Variants in HUNK observed in about 807,000 individuals in gnomAD.
HUNK encodes the protein hormonally up-regulated neu tumor-associated kinase.
Under a neutral mutation model 61.0 loss-of-function variants are expected in HUNK, and 21 were observed. The observed-to-expected ratio is 0.34, with a 90% CI of 0.24 to 0.50. The LOEUF (loss-of-function observed/expected upper bound fraction) is 0.50. HUNK is among the 20% of genes least tolerant of loss of function. HUNK has a pLI of 0.98. For missense variants in HUNK, 772 were observed against 945.7 expected, an observed-to-expected ratio of 0.82 and a Z score of 2.41; for synonymous variants, 371 against 386.1, an observed-to-expected ratio of 0.96 and a Z score of 0.46.
At chr21:31,886,340 T>C (rs998794578) in intron 1 of HUNK, among the ~76,000 whole-genome samples, 2 of 150,724 alleles carry the variant, frequency 1.3e-5, no homozygotes, top group South Asian at 4.2e-4. Flanking sequence ...GAGAATCACA[T>C]GAACCTGGCT....
At chr21:31,977,699 A>C (rs1106542) in intron 7 of HUNK, among the ~76,000 whole-genome samples, 73,698 of 151,772 alleles carry the variant, frequency 0.49, 18,547 homozygotes, top group South Asian at 0.6. Flanking sequence ...CCAAACCAAA[A>C]CAAAACACAA....
chr21:31,932,911 C>CTTTT (rs779361324), intron 2 of HUNK, among the ~76,000 whole-genome samples: 22 of 130,624 alleles, frequency 1.7e-4, no homozygotes, highest in African/African-American at 6.8e-4. Flanking sequence ...TGCCTTCTTC[C>CTTTT]TTTTTTTTTT....
chr21:31,928,152 G>A (rs2052673572), intron 2 of HUNK, among the ~76,000 whole-genome samples: 1 of 152,194 alleles, frequency 6.6e-6, no homozygotes, highest in African/African-American at 2.4e-5. Flanking sequence ...GAATCAGCTT[G>A]GATCACCGAC....
chr21:31,946,179 A>G lies in HUNK; in HGVS notation c.746+8A>G. On this transcript the variant is annotated splice_region_variant and intron_variant, in intron 4 of 10. Coordinates refer to ENST00000270112, the MANE Select transcript of HUNK (RefSeq NM_014586.2). The stretch of plus-strand genomic sequence containing the variant: ...AATCGATGTCTGGTCCATGTGAGTT[A>G]TCAAGCTTCTGAAAGTCAGTGTTCC... 2 of 1,605,554 alleles carry G rather than the reference A, an allele frequency of 1.2e-6. No homozygotes were observed. The highest frequency in any genetic ancestry group is 1.1e-5 in the South Asian group (1 of 90,772).
intron 2 of HUNK, among the ~76,000 whole-genome samples, chr21:31,938,062 T>C (rs2052743508): frequency 6.6e-6 from 1 of 152,260 alleles, no homozygotes; most frequent in Non-Finnish European, 1.5e-5. Flanking sequence ...GCCTTAAGGC[T>C]ATTGGCAACT....
chr21:31,973,781 A>G, intron 6 of HUNK, among the ~76,000 whole-genome samples: 1 of 152,120 alleles, frequency 6.6e-6, no homozygotes. Context: ...GTACCTACTC[A>G]TAGGACTATC....
rs575499312 is a variant in HUNK at position 31,894,381 on chromosome 21, C to T, written c.261+20446C>T. 6.6e-5 allele frequency among the ~76,000 whole-genome samples: 10 copies of T among 152,286 alleles called. No homozygotes were observed. In the South Asian group the frequency reaches 2.1e-3, roughly 32 times the overall value. On this transcript the variant is annotated intron_variant, in intron 1 of 10. Transcript: ENST00000270112. ...TTTTTAGACTCAGAATTCTGCATCT[C>T]AAGCCATTTGCCAGGTGTACTGTGA...
At chr21:31,954,598 G>A (rs1190453367) in intron 4 of HUNK, among the ~76,000 whole-genome samples, 6 of 152,182 alleles carry the variant, frequency 3.9e-5, no homozygotes, top group East Asian at 3.9e-4. Flanking sequence ...CTGGGCACAG[G>A]TTCTTTGAGC....
intron 4 of HUNK, among the ~76,000 whole-genome samples, chr21:31,955,057 A>C (rs1601396561): frequency 6.6e-6 from 1 of 151,972 alleles, no homozygotes; most frequent in East Asian, 1.9e-4. Context: ...AAATTGCTGG[A>C]ATTACAGGTG....
chr21:31,961,995 G>T (rs1229659228), intron 5 of HUNK, among the ~76,000 whole-genome samples: 1 of 152,206 alleles, frequency 6.6e-6, no homozygotes, highest in Non-Finnish European at 1.5e-5. Context: ...TTGAGAGCTG[G>T]ATCAAACATT....
chr21:31,965,574 C>T (rs1452183454), intron 5 of HUNK, among the ~76,000 whole-genome samples: 1 of 151,022 alleles, frequency 6.6e-6, no homozygotes. Context: ...TTTCTACCCA[C>T]CTCACTGTTC....
intron 7 of HUNK, among the ~76,000 whole-genome samples, chr21:31,979,879 T>C (rs1272695557): frequency 6.6e-6 from 1 of 152,156 alleles, no homozygotes; most frequent in Non-Finnish European, 1.5e-5. Flanking sequence ...TCCATAGATC[T>C]CTTTACTCTG....
At chr21:31,912,096 T>C (rs2052550023) in intron 1 of HUNK, among the ~76,000 whole-genome samples, 1 of 152,116 alleles carries the variant, frequency 6.6e-6, no homozygotes, top group African/African-American at 2.4e-5. Flanking sequence ...ACACCTGGGA[T>C]TGGGGTTGGC....
chr21:31,909,443 C>A (rs34037768), intron 1 of HUNK, among the ~76,000 whole-genome samples: 28,554 of 152,122 alleles, frequency 0.19, 2,905 homozygotes, highest in South Asian at 0.24. Flanking sequence ...TTGGGAGCTG[C>A]CATTGTTTTT....
At chr21:31,961,960 A>G (rs1398287737) in intron 5 of HUNK, among the ~76,000 whole-genome samples, 1 of 152,234 alleles carries the variant, frequency 6.6e-6, no homozygotes, top group Non-Finnish European at 1.5e-5. Context: ...ACAAAGGTTT[A>G]TTTCTCAGTC....
At chr21:31,916,136 C>T (rs1418614595) in intron 1 of HUNK, among the ~76,000 whole-genome samples, 4 of 147,630 alleles carry the variant, frequency 2.7e-5, no homozygotes, top group Admixed American at 7.0e-5. Context: ...CTGCAAGCTC[C>T]GCCTCCCGGG....
At chr21:31,913,841 C>T (rs1204217110) in intron 1 of HUNK, among the ~76,000 whole-genome samples, 1 of 151,848 alleles carries the variant, frequency 6.6e-6, no homozygotes, top group African/African-American at 2.4e-5. Flanking sequence ...GAGAGGTCAG[C>T]AGGGAGAGTA....
chr21:31,941,669 GAAGCTGGAAAAC>G (rs1451698161), intron 3 of HUNK, among the ~76,000 whole-genome samples: 1 of 152,174 alleles, frequency 6.6e-6, no homozygotes, highest in Non-Finnish European at 1.5e-5. Flanking sequence ...GCCAAGTGCA[GAAGCTGGAAAAC>G]AAGGCACTCG....
At chr21:31,928,777 C>T (rs190574546) in intron 2 of HUNK, among the ~76,000 whole-genome samples, 2 of 152,230 alleles carry the variant, frequency 1.3e-5, no homozygotes, top group African/African-American at 2.4e-5. Flanking sequence ...TTTGGGTGTT[C>T]GTATTTCAGC....
Sources: gnomAD v4.1 joint callset for allele counts (sites outside exome capture counted in the v4.1 genomes callset) on GRCh38, gnomAD v4.1.1 for gene constraint, MANE v1.5 for transcripts, NCBI Gene and HGNC (gene_info 2026-07-23, HGNC 2026-07-21) for gene names.